The following PLBD2 variants were observed in gnomAD, a reference collection of about 807,000 sequenced individuals.
The protein encoded by PLBD2 is phospholipase B domain containing 2, also known as putative aminopeptidase PLBD2.
In PLBD2, 51 loss-of-function variants were observed where a neutral mutation model predicts 68.3. That is an observed-to-expected ratio of 0.75 (90% CI 0.60 to 0.94). PLBD2 has a LOEUF of 0.94. Ranked by LOEUF, PLBD2 falls within the 40% of genes least tolerant of loss-of-function variation. The probability of loss-of-function intolerance (pLI) is 0.00; values close to 1 mark genes in which losing one functional copy is unlikely to be tolerated. For synonymous variants in PLBD2, 314 were observed against 339.3 expected, an observed-to-expected ratio of 0.93 and a Z score of 0.82; for missense variants, 729 against 792.2, an observed-to-expected ratio of 0.92 and a Z score of 0.96.
intron 1 of PLBD2, among the ~76,000 whole-genome samples, chr12:113,359,099 A>G (rs1315575731): frequency 1.3e-5 from 2 of 152,214 alleles, no homozygotes; most frequent in Non-Finnish European, 2.9e-5. Flanking sequence ...TCATGGGGCC[A>G]GTCCCTTGCC....
Position 113,385,122 on chromosome 12 carries a change from T to C in PLBD2, c.1215-90T>C, listed in dbSNP as rs1957537782. 2.8e-6 allele frequency: 4 copies of C among 1,418,884 alleles called. No individual in the cohort carries two copies. The South Asian group carries it at 4.8e-5, about 17-fold the overall frequency. 87.9% of individuals were successfully genotyped at this position (1,418,884 alleles called of 1,614,324 possible). ...AGGACTTAATCCATCCTCCAGGCAATGGGGAGCCATCGGGGCTCCCCGAGC... is the reference window on the plus strand; with the variant it reads ...AGGACTTAATCCATCCTCCAGGCAACGGGGAGCCATCGGGGCTCCCCGAGC... On this transcript the variant is annotated intron_variant, in intron 8 of 11. Transcript: ENST00000280800.
intron 9 of PLBD2, 60 bp downstream of exon 9, chr12:113,385,343 C>T: frequency 6.9e-7 from 1 of 1,451,374 alleles, no homozygotes; most frequent in Non-Finnish European, 9.7e-7. Flanking sequence ...CACTCCTTGC[C>T]CAGCTCCTTC....
intron 5 of PLBD2, among the ~76,000 whole-genome samples, chr12:113,376,352 C>T (rs555597801): frequency 4.6e-5 from 7 of 151,786 alleles, no homozygotes; most frequent in Admixed American, 6.6e-5. Flanking sequence ...TTAGTAGAGA[C>T]GGGGTTTTGC....
Position 113,358,731 on chromosome 12 carries a change from C to A in PLBD2, c.131C>A (p.Ala44Glu). 1 of 1,391,162 alleles carries A rather than the reference C, an allele frequency of 7.2e-7. No individual in the cohort carries two copies. Among genetic ancestry groups the A allele is most frequent in the South Asian group, 1.7e-5 (1 of 59,728 alleles). The allele number at this position is 1,391,162 out of a possible 1,614,324, so 86.2% of individuals were successfully genotyped here. A position where few individuals can be genotyped will look rare whatever the true frequency, so the allele number is the denominator to read the frequency against. The change falls in exon 1 of 12, where the codon GCG becomes GAG. Residue 44 changes from alanine to glutamate, a missense_variant. By Grantham distance (107) the Ala-to-Glu change is moderately radical. Coordinates refer to ENST00000280800, the MANE Select transcript of PLBD2 (RefSeq NM_173542.4). ...AGCGGCCTGGCGGGGGCGATCCCAG[C>A]GCCGGGGGGCCGCTGGGCGCGCGAT... is the stretch of plus-strand genomic sequence containing the variant. ...FLSGLAGAIP[A>E]PGGRWARDGQ...
intron 1 of PLBD2, among the ~76,000 whole-genome samples, chr12:113,366,233 G>T (rs924363318): frequency 2.0e-5 from 3 of 152,024 alleles, no homozygotes; most frequent in Non-Finnish European, 4.4e-5. Flanking sequence ...GCCTCTCCCT[G>T]TCTTGTACCC....
At chr12:113,375,104 C>G in intron 5 of PLBD2, 97 bp downstream of exon 5, 7 of 1,054,230 alleles carry the variant, frequency 6.6e-6, no homozygotes, top group Non-Finnish European at 1.0e-5. Flanking sequence ...ACCCTCCCAA[C>G]ACACGGAGTC....
chr12:113,372,712 G>T lies in PLBD2; in HGVS notation c.448G>T (p.Gly150Cys). 2 of 1,614,046 alleles carry T rather than the reference G, an allele frequency of 1.2e-6. No individual in the cohort carries two copies. The highest frequency in any genetic ancestry group is 8.5e-7 in the Non-Finnish European group (1 of 1,180,024). The change falls in exon 3 of 12, where the codon GGC (glycine) becomes TGC (cysteine). Residue 150 changes from glycine to cysteine, a missense_variant. Physicochemically the swap from Gly to Cys is radical, Grantham distance 159 (BLOSUM62 -3). Coordinates refer to ENST00000280800, the MANE Select transcript of PLBD2 (RefSeq NM_173542.4). The surrounding 1 kb of genome is among the most constrained non-coding windows in gnomAD (Gnocchi z 4.2). ...NYCGPFEYEV[G>C]YCERLKSFLE... ...CTGCGGCCCCTTCGAGTATGAAGTC[G>T]GCTACTGCGAGAGGCTGAAGAGCTT...
At position 113,366,912 on chromosome 12, in the gene PLBD2, C is replaced by G. The variant is rs183439149; in HGVS notation, c.291-2204C>G. 6.2e-4 allele frequency among the ~76,000 whole-genome samples: 95 copies of G among 152,108 alleles called. 1 individual carries two copies. Among genetic ancestry groups the G allele is most frequent in the African/African-American group, 2.3e-3 (95 of 41,472 alleles). On this transcript the variant is annotated intron_variant, in intron 1 of 11. Coordinates refer to ENST00000280800, the MANE Select transcript of PLBD2 (RefSeq NM_173542.4). ...TTTTGCTCACTGCAACCTCCGCCTC[C>G]CAGTTCAAGCGATTCTCCTGCCTCA... is the stretch of plus-strand genomic sequence containing the variant.
Position 113,374,910 on chromosome 12 carries a change from G to A in PLBD2, c.762G>A (p.Gln254=). The change falls in exon 5 of 12, where the codon CAG becomes CAA. Residue 254 remains glutamine, a synonymous_variant. Coordinates refer to ENST00000280800, the MANE Select transcript of PLBD2 (RefSeq NM_173542.4). ...CCCTCATCAAGCTGCTCCCTGGCCA[G>A]AGTGACCTCCTGGTTGCCCACAACA... ...CSALIKLLPG[Q]SDLLVAHNTW... The A allele has an allele frequency of 6.2e-7, 1 of 1,614,146 alleles. No homozygotes were observed. Among genetic ancestry groups the A allele is most frequent in the Non-Finnish European group, 8.5e-7 (1 of 1,180,034 alleles).
At chr12:113,369,283 G>C in intron 2 of PLBD2, 74 bp downstream of exon 2, 1 of 1,277,236 alleles carries the variant, frequency 7.8e-7, no homozygotes, top group Non-Finnish European at 1.1e-6. Flanking sequence ...GTGTGCTTTT[G>C]AGATGTGTGC....
intron 6 of PLBD2, among the ~76,000 whole-genome samples, chr12:113,382,089 C>T (rs1410038554): frequency 2.0e-5 from 3 of 152,186 alleles, no homozygotes; most frequent in African/African-American, 7.2e-5. Context: ...TCCGAAAGTG[C>T]TGGGATTATA....
At position 113,372,628 on chromosome 12, in the gene PLBD2, C is replaced by T. The variant is rs766975255; in HGVS notation, c.385-21C>T. 1.0e-5 allele frequency: 16 copies of T among 1,604,430 alleles called. No homozygotes were observed. The East Asian group carries it at 1.1e-4, about 11-fold the overall frequency. The stretch of plus-strand genomic sequence containing the variant: ...GCACCCCAGCTGCCCGCCCTTGCCT[C>T]GCCCACCCCCTACCCCACAGCTCAT... On this transcript the variant is annotated intron_variant, in intron 2 of 11. Transcript: ENST00000280800. The surrounding 1 kb of genome is among the most constrained non-coding windows in gnomAD (Gnocchi z 4.2).
intron 6 of PLBD2, among the ~76,000 whole-genome samples, chr12:113,382,932 C>T (rs938131993): frequency 1.4e-5 from 2 of 144,736 alleles, no homozygotes; most frequent in African/African-American, 5.2e-5. Context: ...AGTGCAGTGG[C>T]ACGATCTCAG....
At position 113,388,525 on chromosome 12, in the gene PLBD2, G is replaced by A. The variant is rs1278917849; in HGVS notation, c.1669G>A (p.Val557Met). The A allele has an allele frequency of 6.2e-7, 1 of 1,610,636 alleles. No homozygotes were observed. Among genetic ancestry groups the A allele is most frequent in the Non-Finnish European group, 8.5e-7 (1 of 1,179,112 alleles). The change falls in exon 12 of 12, where the codon GTG becomes ATG. Residue 557 changes from valine (V) to methionine (M), a missense_variant. Transcript: ENST00000280800. ...GGCCAGCGGTCCCACGTGGGACCAG[G>A]TGCCCCCGTTCCAGTGGAGCACCTC... is the stretch of plus-strand genomic sequence containing the variant. The part of the protein sequence containing the change: ...LAASGPTWDQ[V>M]PPFQWSTSPF...
Position 113,384,757 on chromosome 12 carries a change from C to T in PLBD2, c.1119-94C>T. The T allele has an allele frequency of 1.9e-6, 2 of 1,027,362 alleles. No individual in the cohort carries two copies. The highest frequency in any genetic ancestry group is 2.8e-5 in the South Asian group (2 of 70,556). The allele number at this position is 1,027,362 out of a possible 1,614,324, so 63.6% of individuals were successfully genotyped here. On this transcript the variant is annotated intron_variant, in intron 7 of 11. Coordinates refer to ENST00000280800, the MANE Select transcript of PLBD2 (RefSeq NM_173542.4). This position sits in a 1 kb window ranked among gnomAD's most constrained non-coding sequence, Gnocchi z 4.2. Reference sequence around the variant, plus strand: ...GGCTGGACAACCCCAGGCCCACTTCCTGTAATTCCTAGCTGAGTGGGACAC... The same window carrying T: ...GGCTGGACAACCCCAGGCCCACTTCTTGTAATTCCTAGCTGAGTGGGACAC...
intron 3 of PLBD2, among the ~76,000 whole-genome samples, chr12:113,374,174 G>T (rs1957415877): frequency 6.6e-6 from 1 of 152,182 alleles, no homozygotes; most frequent in South Asian, 2.1e-4. Context: ...TTGGCAAGAG[G>T]CCAGGCCAGG....
chr12:113,371,844 G>A (rs977218190), intron 2 of PLBD2, among the ~76,000 whole-genome samples: 10 of 152,212 alleles, frequency 6.6e-5, no homozygotes, highest in African/African-American at 1.7e-4. Flanking sequence ...TCTAACCCAC[G>A]TCTCGCTCCT....
rs1380069756 is a variant in PLBD2 at position 113,358,647 on chromosome 12, C to G, written c.47C>G (p.Ala16Gly). The change falls in exon 1 of 12, where the codon GCG (alanine) becomes GGG (glycine). Residue 16 changes from alanine (A) to glycine (G), a missense_variant. Physicochemically the swap from Ala to Gly is moderately conservative, Grantham distance 60. Transcript: ENST00000280800. ...TACCCCGGCAGCCACCTGGCCCGGG[C>G]GCTGACGCGGGCGCTGGCGCTGGCC... ...YCYPGSHLAR[A>G]LTRALALALV... is the part of the protein sequence containing the mutation. 1.4e-6 allele frequency: 2 copies of G among 1,463,384 alleles called. No homozygotes were observed. The highest frequency in any genetic ancestry group is 6.0e-5 in the East Asian group (2 of 33,070). The allele number at this position is 1,463,384 out of a possible 1,614,324, so 90.6% of individuals were successfully genotyped here.
intron 1 of PLBD2, among the ~76,000 whole-genome samples, chr12:113,363,832 C>T (rs1006786577): frequency 6.6e-6 from 1 of 152,168 alleles, no homozygotes; most frequent in East Asian, 1.9e-4. Context: ...CCACTGCACC[C>T]GGACTTTTAG....
Sources: gnomAD v4.1 joint callset for allele counts (sites outside exome capture counted in the v4.1 genomes callset) on GRCh38, gnomAD v4.1.1 for gene constraint, Gnocchi (gnomAD v3.1) non-coding constraint, MANE v1.5 for transcripts, NCBI Gene and HGNC (gene_info 2026-07-23, HGNC 2026-07-21) for gene names.